The following ITGA11 variants were observed in gnomAD, a reference collection of about 807,000 sequenced individuals.
ITGA11 encodes integrin subunit alpha 11, also known as integrin alpha-11.
ITGA11 carries 97 observed loss-of-function variants against 141.9 expected under a neutral mutation model. The observed-to-expected ratio is 0.68, with a 90% CI of 0.58 to 0.81. ITGA11 has a LOEUF of 0.81. Ranked by LOEUF, ITGA11 falls within the 30% of genes least tolerant of loss-of-function variation. The pLI is 0.00. For synonymous variants in ITGA11, 658 were observed against 624.6 expected (o/e 1.05, Z -0.80); for missense variants, 1,387 against 1,559.2 (o/e 0.89, Z 1.86).
rs1893849867 is a variant in ITGA11 at position 68,322,703 on chromosome 15, C to T, written c.2323-1200G>A. On this transcript the variant is annotated intron_variant, in intron 18 of 29. Transcript: ENST00000315757. The surrounding 1 kb of genome is among the most constrained non-coding windows in gnomAD (Gnocchi z 5.6). ...CCAACATGGTGAAACTTTGTCTCTGCTAAAAAATACAAAAATTAGCTGGGC... is the reference window on the plus strand; with the variant it reads ...CCAACATGGTGAAACTTTGTCTCTGTTAAAAAATACAAAAATTAGCTGGGC... Among the ~76,000 whole-genome samples the T allele has an allele frequency of 6.6e-6, 1 of 151,788 alleles. No homozygotes were observed. Among genetic ancestry groups the T allele is most frequent in the South Asian group, 2.1e-4 (1 of 4,806 alleles).
chr15:68,405,985 TG>T (rs1184527886), intron 1 of ITGA11, among the ~76,000 whole-genome samples: 1 of 152,170 alleles, frequency 6.6e-6, no homozygotes. Flanking sequence ...CCTGGCTTCC[TG>T]GTGCCCACTA....
At chr15:68,398,865 G>A (rs1404332095) in intron 2 of ITGA11, among the ~76,000 whole-genome samples, 2 of 149,704 alleles carry the variant, frequency 1.3e-5, no homozygotes, top group South Asian at 2.1e-4. Flanking sequence ...AATAAGAGAT[G>A]TAAAACTTAC....
At chr15:68,342,227 T>TG (rs770646039) in intron 10 of ITGA11, among the ~76,000 whole-genome samples, 3 of 152,194 alleles carry the variant, frequency 2.0e-5, no homozygotes, top group Non-Finnish European at 4.4e-5. Flanking sequence ...AAACAAACAG[T>TG]GGGCATTCCC....
chr15:68,355,508 G>A (rs1411494741), intron 7 of ITGA11, among the ~76,000 whole-genome samples: 1 of 151,280 alleles, frequency 6.6e-6, no homozygotes, highest in East Asian at 1.9e-4. Flanking sequence ...GTGCAGTGGT[G>A]TGATCTTGGC....
In ITGA11 at chr15:68,335,425, C is replaced by T. The variant is rs1251807923; in HGVS notation, c.1425+272G>A. Reference sequence around the variant, plus strand: ...GCAGCACAGTCTGGTTGCCAACCACCTCCCTGTGGGGCAATGGCATTGGCA... The same window carrying T: ...GCAGCACAGTCTGGTTGCCAACCACTTCCCTGTGGGGCAATGGCATTGGCA... On this transcript the variant is annotated intron_variant, in intron 12 of 29. Coordinates refer to ENST00000315757, the MANE Select transcript of ITGA11 (RefSeq NM_001004439.2). This position sits in a 1 kb window ranked among gnomAD's most constrained non-coding sequence, Gnocchi z 4.9. Among the ~76,000 whole-genome samples, 1 of 152,252 alleles carries T rather than the reference C, an allele frequency of 6.6e-6. No individual in the cohort carries two copies. The highest frequency in any genetic ancestry group is 1.9e-4 in the East Asian group (1 of 5,202).
intron 20 of ITGA11, 36 bp downstream of exon 20, chr15:68,320,149 G>C (rs1893746257): frequency 6.3e-7 from 1 of 1,589,488 alleles, no homozygotes; most frequent in African/African-American, 1.3e-5. Flanking sequence ...CTCTGTGCCA[G>C]GCAGAGGCAG....
intron 2 of ITGA11, among the ~76,000 whole-genome samples, chr15:68,391,568 T>C (rs906908133): frequency 6.6e-6 from 1 of 152,180 alleles, no homozygotes; most frequent in African/African-American, 2.4e-5. Context: ...ACAGGGGAGA[T>C]GGGCCATGGG....
intron 26 of ITGA11, among the ~76,000 whole-genome samples, chr15:68,310,393 G>A (rs1428826508): frequency 1.3e-5 from 2 of 152,162 alleles, no homozygotes; most frequent in Admixed American, 1.3e-4. Context: ...ACTTGTCTGG[G>A]GGAAGTAAAA....
At chr15:68,368,874 T>TC (rs1018622244) in intron 3 of ITGA11, among the ~76,000 whole-genome samples, 5 of 151,404 alleles carry the variant, frequency 3.3e-5, no homozygotes, top group African/African-American at 1.2e-4. Context: ...TTTTTTTTTT[T>TC]TTCTCCTGGG....
intron 10 of ITGA11, among the ~76,000 whole-genome samples, chr15:68,342,751 T>C (rs553819256): frequency 5.8e-4 from 88 of 152,312 alleles, no homozygotes; most frequent in Admixed American, 1.2e-3. Flanking sequence ...TATTTGCTTG[T>C]TACAGCTGGG....
intron 22 of ITGA11, among the ~76,000 whole-genome samples, chr15:68,315,030 C>T (rs946819590): frequency 1.3e-5 from 2 of 152,154 alleles, no homozygotes; most frequent in South Asian, 4.1e-4. Flanking sequence ...GGGGTCAACA[C>T]ATAGCAAGCT....
Position 68,307,203 on chromosome 15 carries a change from C to T in ITGA11, c.3381+145G>A, listed in dbSNP as rs920139901. The T allele has an allele frequency of 1.6e-5, 10 of 628,030 alleles. No homozygotes were observed. Among genetic ancestry groups the T allele is most frequent in the East Asian group, 8.2e-5 (3 of 36,424 alleles). The allele number at this position is 628,030 out of a possible 1,614,324, so 38.9% of individuals were successfully genotyped here. A position where few individuals can be genotyped will look rare whatever the true frequency, so the allele number is the denominator to read the frequency against. On this transcript the variant is annotated intron_variant, in intron 28 of 29. Transcript: ENST00000315757. The surrounding 1 kb of genome is among the most constrained non-coding windows in gnomAD (Gnocchi z 6.1). ...CTTTTTTCCCTCTTTTCAGCGGCTGCCCTAACAGCCCACAGGTCTGCCTGA... is the reference window on the plus strand; with the variant it reads ...CTTTTTTCCCTCTTTTCAGCGGCTGTCCTAACAGCCCACAGGTCTGCCTGA...
Position 68,326,534 on chromosome 15 carries a change from G to T in ITGA11, c.2211+120C>A. 3.6e-6 allele frequency: 4 copies of T among 1,124,366 alleles called. No homozygotes were observed. Among genetic ancestry groups the T allele is most frequent in the Non-Finnish European group, 5.0e-6 (4 of 807,916 alleles). 69.6% of individuals were successfully genotyped at this position (1,124,366 alleles called of 1,614,324 possible). ...GCCAAGGTCAGGGTACACTGTCCCT[G>T]GCTGGCTTCCTGAGGTCTGCTGGGG... On this transcript the variant is annotated intron_variant, in intron 17 of 29. Transcript: ENST00000315757. This position sits in a 1 kb window ranked among gnomAD's most constrained non-coding sequence, Gnocchi z 6.8.
In ITGA11 at chr15:68,328,290, G is replaced by A. The variant is rs750522556; in HGVS notation, c.1902-28C>T. 6.2e-7 allele frequency: 1 copy of A among 1,605,136 alleles called. No homozygotes were observed. The highest frequency in any genetic ancestry group is 1.3e-5 in the African/African-American group (1 of 74,734). On this transcript the variant is annotated intron_variant, in intron 15 of 29. Coordinates refer to ENST00000315757, the MANE Select transcript of ITGA11 (RefSeq NM_001004439.2). The surrounding 1 kb of genome is among the most constrained non-coding windows in gnomAD (Gnocchi z 4.8). ...GGAGGAGAAGGGCCAGTGAGCTGGG[G>A]TGGGGCAGGGGCTCAGGCTGCCCTG...
At chr15:68,343,073 T>C (rs1894625395) in intron 10 of ITGA11, among the ~76,000 whole-genome samples, 1 of 151,826 alleles carries the variant, frequency 6.6e-6, no homozygotes, top group Non-Finnish European at 1.5e-5. Context: ...AAAATAGTTC[T>C]GTTGTGAAAA....
chr15:68,362,428 T>A (rs541085490), intron 4 of ITGA11, among the ~76,000 whole-genome samples: 8 of 152,248 alleles, frequency 5.3e-5, no homozygotes, highest in Non-Finnish European at 1.2e-4. Context: ...ACTTTCTTTT[T>A]AAGCTCAGAT....
chr15:68,340,128 C>T (rs928699265), intron 10 of ITGA11, among the ~76,000 whole-genome samples: 1 of 152,014 alleles, frequency 6.6e-6, no homozygotes, highest in Non-Finnish European at 1.5e-5. Context: ...ACTGAGGTCT[C>T]CTTTGTGCCA....
At chr15:68,407,867 A>G (rs1896684741) in intron 1 of ITGA11, among the ~76,000 whole-genome samples, 1 of 152,228 alleles carries the variant, frequency 6.6e-6, no homozygotes, top group Admixed American at 6.5e-5. Context: ...CAGGTAGGGC[A>G]GTCCTGGTCC....
chr15:68,348,829 C>T lies in ITGA11; in HGVS notation c.1131+1G>A. 1 of 1,606,946 alleles carries T rather than the reference C, an allele frequency of 6.2e-7. No homozygotes were observed. Among genetic ancestry groups the T allele is most frequent in the Non-Finnish European group, 8.5e-7 (1 of 1,176,732 alleles). On this transcript the variant is annotated splice_donor_variant, in intron 10 of 29. Coordinates refer to ENST00000315757, the MANE Select transcript of ITGA11 (RefSeq NM_001004439.2). LOFTEE classifies it high-confidence loss of function. ...TCTGTGCCCGTACCTCCACCACATA[C>T]CTCCACCACGTGCGAGGAAAAGCCC...
Sources: gnomAD v4.1 joint callset for allele counts (sites outside exome capture counted in the v4.1 genomes callset) on GRCh38, gnomAD v4.1.1 for gene constraint, Gnocchi (gnomAD v3.1) non-coding constraint, MANE v1.5 for transcripts, NCBI Gene and HGNC (gene_info 2026-07-23, HGNC 2026-07-21) for gene names.